NCAPG2: variants seen among roughly 807,000 people sequenced by gnomAD.
NCAPG2 encodes the protein condensin-2 complex subunit G2.
NCAPG2 carries 53 observed loss-of-function variants against 141.1 expected under a neutral mutation model. The ratio of observed to expected loss-of-function variants is 0.38; its 90% CI spans 0.30 to 0.47. The LOEUF is 0.47. NCAPG2 is among the 20% of genes least tolerant of loss of function. The pLI is 0.99. For synonymous variants in NCAPG2, 499 were observed against 490.7 expected, an observed-to-expected ratio of 1.02 and a Z score of -0.22; for missense variants, 1,087 against 1,389.0, an observed-to-expected ratio of 0.78 and a Z score of 3.46.
chr7:158,671,220 C>G (rs903071835), intron 13 of NCAPG2, among the ~76,000 whole-genome samples: 1 of 152,012 alleles, frequency 6.6e-6, no homozygotes, highest in Admixed American at 6.6e-5. Flanking sequence ...GAAGTGCTCA[C>G]CAGGTGCCAA....
In NCAPG2 at chr7:158,669,488, C is replaced by T. The variant is rs185866419; in HGVS notation, c.1479+2026G>A. On this transcript the variant is annotated intron_variant, in intron 13 of 27. Transcript: ENST00000356309. ...ATTGAAATTGACATGCTTGGCCGGGCGCAGTGGCTCACGCCCATAATCCCA... is the reference window on the plus strand; with the variant it reads ...ATTGAAATTGACATGCTTGGCCGGGTGCAGTGGCTCACGCCCATAATCCCA... 2.6e-5 allele frequency among the ~76,000 whole-genome samples: 4 copies of T among 152,106 alleles called. No individual in the cohort carries two copies. In the East Asian group the frequency reaches 5.8e-4, roughly 22 times the overall value.
At chr7:158,654,765 C>T (rs118006958) in intron 21 of NCAPG2, 71 bp from the exon 22 acceptor site, 5 of 1,535,316 alleles carry the variant, frequency 3.3e-6, no homozygotes, top group Non-Finnish European at 4.4e-6. Context: ...CCTCACAAAG[C>T]TTCTCCTATC....
chr7:158,684,081 A>G (rs1392677182), intron 8 of NCAPG2, among the ~76,000 whole-genome samples: 4 of 152,162 alleles, frequency 2.6e-5, no homozygotes, highest in Non-Finnish European at 5.9e-5. Flanking sequence ...TACTAATACA[A>G]ACCAGAGTCT....
chr7:158,693,362 C>T lies in NCAPG2; in HGVS notation c.214G>A (p.Val72Ile), dbSNP rs1365113788. ...LLESPVDGWQ[V>I]VEAQGEDNME... Reference sequence around the variant, plus strand: ...TTGTCTTCACCCTGGGCTTCCACTACCTGCCACCCATCCACTGGGCTTTCT... The same window carrying T: ...TTGTCTTCACCCTGGGCTTCCACTATCTGCCACCCATCCACTGGGCTTTCT... The change falls in exon 3 of 28, where the codon GTA becomes ATA. Residue 72 changes from valine to isoleucine, a missense_variant. Coordinates refer to ENST00000356309, the MANE Select transcript of NCAPG2 (RefSeq NM_017760.7). 3 of 1,614,052 alleles carry T rather than the reference C, an allele frequency of 1.9e-6. No individual in the cohort carries two copies. Among genetic ancestry groups the T allele is most frequent in the Non-Finnish European group, 2.5e-6 (3 of 1,180,018 alleles).
intron 2 of NCAPG2, 85 bp from the exon 3 acceptor site, chr7:158,693,582 G>C: frequency 5.1e-6 from 6 of 1,181,382 alleles, no homozygotes; most frequent in South Asian, 1.5e-5. Context: ...GAAAAGTTAA[G>C]TGTTAACTTC....
At chr7:158,661,631 G>A (rs1832511653) in intron 16 of NCAPG2, among the ~76,000 whole-genome samples, 1 of 152,176 alleles carries the variant, frequency 6.6e-6, no homozygotes, top group East Asian at 1.9e-4. Flanking sequence ...TGGTAAGTAT[G>A]TGAGGCTCGA....
chr7:158,640,052 CAAAAAAAAA>C (rs58368997), intron 27 of NCAPG2: 2 of 98,296 alleles, frequency 2.0e-5, no homozygotes, highest in African/African-American at 3.9e-5. Flanking sequence ...GAATAAATGC[CAAAAAAAAA>C]AAAAAAAAAG....
In NCAPG2 at chr7:158,690,682, C is replaced by T. The variant is rs576910804; in HGVS notation, c.423G>A (p.Gln141=). 6.2e-7 allele frequency: 1 copy of T among 1,613,986 alleles called. No individual in the cohort carries two copies. Among genetic ancestry groups the T allele is most frequent in the African/African-American group, 1.3e-5 (1 of 74,920 alleles). ...YALPESERKL[Q]SSIQDLCVTW... is the part of the protein sequence containing the mutation. ...TAACACACAAATCCTGAATAGAACT[C>T]TGTAGTTTTCGTTCAGACTCAGGTA... The change falls in exon 5 of 28, where the codon CAG becomes CAA. Residue 141 remains glutamine (Q), a synonymous_variant. Transcript: ENST00000356309.
intron 2 of NCAPG2, among the ~76,000 whole-genome samples, chr7:158,698,472 C>T (rs1335391787): frequency 1.3e-5 from 2 of 152,158 alleles, no homozygotes; most frequent in Admixed American, 1.3e-4. Flanking sequence ...AATGTTTAGA[C>T]ACACACCATT....
intron 27 of NCAPG2, among the ~76,000 whole-genome samples, chr7:158,642,427 A>T (rs1249442725): frequency 6.6e-6 from 1 of 152,086 alleles, no homozygotes; most frequent in Non-Finnish European, 1.5e-5. Context: ...AGTTCTAGCT[A>T]CTTGGGAGGC....
intron 27 of NCAPG2, among the ~76,000 whole-genome samples, chr7:158,637,578 C>CCGAGCCACACACAGGAGCCTGTGGGA (rs1461010958): frequency 6.6e-6 from 1 of 151,930 alleles, no homozygotes; most frequent in African/African-American, 2.4e-5. Context: ...AGCTCCGGCT[C>CCGAGCCACACACAGGAGCCTGTGGGA]CAGCAGCTCC....
Position 158,692,994 on chromosome 7 carries a change from C to T in NCAPG2, c.268-38G>A, listed in dbSNP as rs147756150. Reference sequence around the variant, plus strand: ...AATCAAAGCATGAGTGAATTAAAATCATCAACTTAAAATCAGTTTTTAGCA... The same window carrying T: ...AATCAAAGCATGAGTGAATTAAAATTATCAACTTAAAATCAGTTTTTAGCA... On this transcript the variant is annotated intron_variant, in intron 3 of 27. Transcript: ENST00000356309. 48 of 1,329,056 alleles carry T rather than the reference C, an allele frequency of 3.6e-5. 1 individual carries two copies. The African/African-American group carries it at 6.1e-4, about 17-fold the overall frequency. The allele number at this position is 1,329,056 out of a possible 1,614,324, so 82.3% of individuals were successfully genotyped here.
chr7:158,675,870 T>C (rs12535671), intron 11 of NCAPG2, among the ~76,000 whole-genome samples: 83,212 of 152,046 alleles, frequency 0.55, 23,308 homozygotes, highest in Non-Finnish European at 0.6. Flanking sequence ...GTGCCTCATG[T>C]GCCACATCCC....
chr7:158,637,058 C>T (rs1251328631), intron 27 of NCAPG2, among the ~76,000 whole-genome samples: 2 of 152,000 alleles, frequency 1.3e-5, no homozygotes, highest in African/African-American at 4.8e-5. Context: ...TGCCATTCTC[C>T]TGCCTCAGCC....
intron 24 of NCAPG2, 50 bp downstream of exon 24, chr7:158,650,782 C>T (rs575061132): frequency 1.3e-6 from 2 of 1,555,990 alleles, no homozygotes; most frequent in South Asian, 2.4e-5. Flanking sequence ...GAAACACCAT[C>T]TTGTGTCATC....
At chr7:158,669,102 G>A (rs1202304650) in intron 13 of NCAPG2, among the ~76,000 whole-genome samples, 2 of 152,076 alleles carry the variant, frequency 1.3e-5, no homozygotes, top group African/African-American at 2.4e-5. Context: ...ACATGATCTC[G>A]TTCCTTTTTA....
intron 13 of NCAPG2, chr7:158,667,256 G>C (rs1192441189): frequency 1.0e-6 from 1 of 983,060 alleles, no homozygotes; most frequent in Non-Finnish European, 1.2e-6. Context: ...GTGGGCCAGA[G>C]ACCCTGTGTC....
rs199947218 is a variant in NCAPG2, at chr7:158,689,937, C to T, written c.554G>A (p.Arg185Gln). The change falls in exon 6 of 28, where the codon CGG (arginine) becomes CAG (glutamine). Residue 185 changes from arginine (R) to glutamine (Q), a missense_variant. Arg to Gln is a conservative substitution (Grantham distance 43). Transcript: ENST00000356309. ...LETKTGADVC[R>Q]LWRIHQALYC... is the part of the protein sequence containing the mutation. Reference sequence around the variant, plus strand: ...TAAAGCTTGATGGATACGCCAAAGCCGACATACGTCTGCACCCTAGGAATG... The same window carrying T: ...TAAAGCTTGATGGATACGCCAAAGCTGACATACGTCTGCACCCTAGGAATG... The T allele has an allele frequency of 1.5e-5, 24 of 1,587,694 alleles. No individual in the cohort carries two copies. Among genetic ancestry groups the T allele is most frequent in the East Asian group, 4.6e-5 (2 of 43,508 alleles).
In NCAPG2 at chr7:158,664,195, CCTT is replaced by C. The variant is rs1832739417; in HGVS notation, c.1801_1803del (p.Lys601del). On this transcript the variant is annotated inframe_deletion, in exon 15 of 28. Coordinates refer to ENST00000356309, the MANE Select transcript of NCAPG2 (RefSeq NM_017760.7). ...CCTGTTCTACTCACAGTCACATTCT[CCTT>C]CTCCCTTCCGTCCTCTTCCTCCTCG... 6.2e-7 allele frequency: 1 copy of C among 1,608,728 alleles called. No individual in the cohort carries two copies. The highest frequency in any genetic ancestry group is 8.5e-7 in the Non-Finnish European group (1 of 1,175,064).
Sources: gnomAD v4.1 joint callset for allele counts (sites outside exome capture counted in the v4.1 genomes callset) on GRCh38, gnomAD v4.1.1 for gene constraint, MANE v1.5 for transcripts, NCBI Gene and HGNC (gene_info 2026-07-23, HGNC 2026-07-21) for gene names.